Variants in IGFBP7 observed in about 807,000 individuals in gnomAD.
IGFBP7 encodes insulin-like growth factor-binding protein 7.
Under a neutral mutation model 29.4 loss-of-function variants are expected in IGFBP7, and 31 were observed. The ratio of observed to expected loss-of-function variants is 1.05; its 90% CI spans 0.79 to 1.42. The LOEUF (loss-of-function observed/expected upper bound fraction) is 1.42. IGFBP7 is among the 40% of genes most tolerant of loss of function. IGFBP7 has a pLI of 0.00. For synonymous variants in IGFBP7, 172 were observed against 174.9 expected (o/e 0.98, Z 0.13); for missense variants, 393 against 395.5 (o/e 0.99, Z 0.05).
At chr4:57,089,902 G>A (rs1725593323) in intron 1 of IGFBP7, among the ~76,000 whole-genome samples, 2 of 152,140 alleles carry the variant, frequency 1.3e-5, no homozygotes, top group Admixed American at 6.6e-5. Flanking sequence ...GATGATCTGA[G>A]GTGCAGAAGC....
At chr4:57,098,113 G>C (rs933708488) in intron 1 of IGFBP7, among the ~76,000 whole-genome samples, 2 of 152,222 alleles carry the variant, frequency 1.3e-5, no homozygotes, top group Admixed American at 1.3e-4. Context: ...GACATGGACT[G>C]AGCTGGCTGC....
At chr4:57,032,173 C>T (rs1723947876) in intron 4 of IGFBP7, 2 of 843,906 alleles carry the variant, frequency 2.4e-6, no homozygotes, top group African/African-American at 1.8e-5. Flanking sequence ...CCATTCCAGG[C>T]AAGTTTGATT....
chr4:57,046,534 A>G (rs1376913740), intron 1 of IGFBP7, among the ~76,000 whole-genome samples: 1 of 152,218 alleles, frequency 6.6e-6, no homozygotes, highest in African/African-American at 2.4e-5. Flanking sequence ...GTCAAGGGTA[A>G]TAACAACATT....
intron 1 of IGFBP7, among the ~76,000 whole-genome samples, chr4:57,063,586 G>A (rs190997394): frequency 2.0e-4 from 31 of 152,222 alleles, no homozygotes; most frequent in Non-Finnish European, 2.6e-4. Context: ...GATTTTCAGG[G>A]GACTCTGGAC....
intron 1 of IGFBP7, among the ~76,000 whole-genome samples, chr4:57,106,312 A>G (rs1212695587): frequency 6.6e-6 from 1 of 152,124 alleles, no homozygotes; most frequent in Admixed American, 6.5e-5. Flanking sequence ...GTGTATGAAC[A>G]CTCAATCATC....
chr4:57,067,325 G>A (rs1031271536), intron 1 of IGFBP7, among the ~76,000 whole-genome samples: 3 of 151,280 alleles, frequency 2.0e-5, no homozygotes, highest in Admixed American at 2.0e-4. Context: ...GAAGACACAA[G>A]GGATTTTTTT....
chr4:57,079,557 A>ATG (rs1353364924), intron 1 of IGFBP7, among the ~76,000 whole-genome samples: 2 of 152,364 alleles, frequency 1.3e-5, no homozygotes, highest in African/African-American at 4.8e-5. Context: ...AAATGCTGGG[A>ATG]TGTAGCCTTC....
intron 1 of IGFBP7, among the ~76,000 whole-genome samples, chr4:57,103,724 T>A (rs1175636388): frequency 6.8e-6 from 1 of 146,144 alleles, no homozygotes; most frequent in Non-Finnish European, 1.5e-5. Flanking sequence ...AGTGGTATGA[T>A]CATGGCTCAC....
intron 1 of IGFBP7, among the ~76,000 whole-genome samples, chr4:57,048,368 A>T (rs1457494598): frequency 6.6e-6 from 1 of 152,206 alleles, no homozygotes; most frequent in Non-Finnish European, 1.5e-5. Context: ...ACTTTTAATT[A>T]AGTTCTAGAC....
intron 1 of IGFBP7, among the ~76,000 whole-genome samples, chr4:57,044,327 T>A (rs1724307842): frequency 6.6e-6 from 1 of 152,242 alleles, no homozygotes; most frequent in East Asian, 1.9e-4. Context: ...ATTTTTCCCA[T>A]GGGATTTTAA....
intron 1 of IGFBP7, among the ~76,000 whole-genome samples, chr4:57,103,536 A>G (rs1725947345): frequency 6.6e-6 from 1 of 152,082 alleles, no homozygotes; most frequent in Non-Finnish European, 1.5e-5. Flanking sequence ...TGATGCATGT[A>G]GACATTTTGG....
chr4:57,108,810 G>C (rs1726100546), intron 1 of IGFBP7, among the ~76,000 whole-genome samples: 1 of 152,092 alleles, frequency 6.6e-6, no homozygotes, highest in Non-Finnish European at 1.5e-5. Context: ...GCCTCCCAAA[G>C]TGCTGGGATT....
At chr4:57,041,190 C>T (rs1312301257) in intron 1 of IGFBP7, among the ~76,000 whole-genome samples, 1 of 152,154 alleles carries the variant, frequency 6.6e-6, no homozygotes, top group Non-Finnish European at 1.5e-5. Flanking sequence ...TTCCCCAGAC[C>T]ATGCTTAAAT....
chr4:57,107,734 C>A (rs1320372793), intron 1 of IGFBP7, among the ~76,000 whole-genome samples: 1 of 152,144 alleles, frequency 6.6e-6, no homozygotes, highest in East Asian at 1.9e-4. Context: ...AACATTTCCC[C>A]AAATATAAAG....
At chr4:57,050,245 GTTTT>G (rs10547708) in intron 1 of IGFBP7, among the ~76,000 whole-genome samples, 98 of 137,120 alleles carry the variant, frequency 7.1e-4, no homozygotes, top group African/African-American at 2.3e-3. Flanking sequence ...TTTTATTTAA[GTTTT>G]TTTTTTTTTT....
chr4:57,048,228 T>C (rs1724413977), intron 1 of IGFBP7, among the ~76,000 whole-genome samples: 1 of 152,092 alleles, frequency 6.6e-6, no homozygotes, highest in South Asian at 2.1e-4. Context: ...ACTTTTTGTA[T>C]TTTTAGTAGA....
intron 1 of IGFBP7, among the ~76,000 whole-genome samples, chr4:57,049,861 T>C (rs1429637202): frequency 6.6e-6 from 1 of 152,158 alleles, no homozygotes; most frequent in East Asian, 1.9e-4. Flanking sequence ...ATAACATGAT[T>C]AGCCAAACAG....
At chr4:57,090,689 A>G (rs1725617623) in intron 1 of IGFBP7, among the ~76,000 whole-genome samples, 3 of 151,982 alleles carry the variant, frequency 2.0e-5, no homozygotes, top group Admixed American at 6.6e-5. Context: ...ATACCCATAC[A>G]CACACAAAAA....
intron 1 of IGFBP7, among the ~76,000 whole-genome samples, chr4:57,058,609 A>G (rs1724728411): frequency 6.6e-6 from 1 of 152,234 alleles, no homozygotes; most frequent in South Asian, 2.1e-4. Context: ...AAGATGGATT[A>G]AAGATGTAAA....
Sources: gnomAD v4.1 joint callset for allele counts (sites outside exome capture counted in the v4.1 genomes callset) on GRCh38, gnomAD v4.1.1 for gene constraint, MANE v1.5 for transcripts, NCBI Gene and HGNC (gene_info 2026-07-23, HGNC 2026-07-21) for gene names.